Variants in CD28 observed in about 807,000 individuals in gnomAD.
CD28 encodes CD28 molecule, also known as T-cell-specific surface glycoprotein CD28.
Under a neutral mutation model 21.4 loss-of-function variants are expected in CD28, and 8 were observed. The ratio of observed to expected loss-of-function variants is 0.37; its 90% CI spans 0.22 to 0.68. CD28 has a LOEUF of 0.68. CD28 is among the 30% of genes least tolerant of loss of function. CD28 has a pLI of 0.55. For missense variants in CD28, 239 were observed against 272.2 expected (o/e 0.88, Z 0.86); for synonymous variants, 106 against 104.0 (o/e 1.02, Z -0.12).
chr2:203,727,208 G>C (rs572066290), intron 2 of CD28, among the ~76,000 whole-genome samples: 1 of 152,288 alleles, frequency 6.6e-6, no homozygotes, highest in South Asian at 2.1e-4. Context: ...CATTGAGCGG[G>C]AGAGTAAGTG....
rs1352455290 is a variant in CD28, at chr2:203,734,818, A to G, written c.569A>G (p.Asp190Gly). Residue 190 changes from aspartate (D) to glycine (G), a missense_variant, in exon 4 of 4, where the codon GAC (aspartate) becomes GGC (glycine). By Grantham distance (94) the Asp-to-Gly change is moderately conservative. This residue lies in a region of CD28 where 112 missense variants were observed against 112.8 expected (regional missense o/e 0.99). Transcript: ENST00000324106. ...AAGAGGAGCAGGCTCCTGCACAGTG[A>G]CTACATGAACATGACTCCCCGCCGC... ...RSKRSRLLHS[D>G]YMNMTPRRPG... 2 of 1,614,160 alleles carry G rather than the reference A, an allele frequency of 1.2e-6. No individual in the cohort carries two copies. The highest frequency in any genetic ancestry group is 1.7e-6 in the Non-Finnish European group (2 of 1,180,024).
intron 1 of CD28, among the ~76,000 whole-genome samples, chr2:203,711,925 C>T (rs1202739433): frequency 6.6e-6 from 1 of 152,192 alleles, no homozygotes; most frequent in Non-Finnish European, 1.5e-5. Flanking sequence ...GATATGGTGC[C>T]TCACACCTGT....
rs199950588 is a variant in CD28, at chr2:203,735,670, A to G, written c.*758A>G. On this transcript the variant is annotated 3_prime_UTR_variant, in exon 4 of 4. Transcript: ENST00000324106. ...TTCGAAAGAATAAAATAGTTCTCCT[A>G]CATGAAGAAAGAATATGTCAGGAAA... is the stretch of plus-strand genomic sequence containing the variant. 6.6e-6 allele frequency: 1 copy of G among 152,428 alleles called. No homozygotes were observed. The highest frequency in any genetic ancestry group is 1.5e-5 in the Non-Finnish European group (1 of 68,050). The allele number at this position is 152,428 out of a possible 1,614,324, so 9.4% of individuals were successfully genotyped here. A position where few individuals can be genotyped will look rare whatever the true frequency, so the allele number is the denominator to read the frequency against.
chr2:203,736,615 C>T lies in CD28; in HGVS notation c.*1703C>T, dbSNP rs1694043653. On this transcript the variant is annotated 3_prime_UTR_variant, in exon 4 of 4. Coordinates refer to ENST00000324106, the MANE Select transcript of CD28 (RefSeq NM_006139.4). ...AGTCAACTAGAATATGCCTGGGGACCTTGAAGAATGGCCCTTCAGTGGCCC... is the reference window on the plus strand; with the variant it reads ...AGTCAACTAGAATATGCCTGGGGACTTTGAAGAATGGCCCTTCAGTGGCCC... 1 of 152,186 alleles carries T rather than the reference C, an allele frequency of 6.6e-6. No homozygotes were observed. Among genetic ancestry groups the T allele is most frequent in the Non-Finnish European group, 1.5e-5 (1 of 68,042 alleles). The allele number at this position is 152,186 out of a possible 1,614,324, so 9.4% of individuals were successfully genotyped here.
At chr2:203,718,638 A>G (rs957928544) in intron 1 of CD28, among the ~76,000 whole-genome samples, 3 of 152,218 alleles carry the variant, frequency 2.0e-5, no homozygotes, top group East Asian at 1.9e-4. Context: ...AAAGTTCTTA[A>G]AGATTCTGGA....
intron 1 of CD28, among the ~76,000 whole-genome samples, chr2:203,711,504 G>T (rs1039616720): frequency 2.6e-5 from 4 of 152,176 alleles, no homozygotes; most frequent in African/African-American, 7.2e-5. Context: ...ACTTTGAGCT[G>T]CTCCCTTATC....
At chr2:203,706,948 A>G (rs1693173336) in intron 1 of CD28, among the ~76,000 whole-genome samples, 200 bp downstream of exon 1, 1 of 152,012 alleles carries the variant, frequency 6.6e-6, no homozygotes, top group South Asian at 2.1e-4. Context: ...CTTGGAAATA[A>G]ATTTTCTAAG....
At chr2:203,730,107 A>G (rs1422872579) in intron 3 of CD28, among the ~76,000 whole-genome samples, 2 of 152,234 alleles carry the variant, frequency 1.3e-5, no homozygotes, top group Non-Finnish European at 2.9e-5. Context: ...ATGCGTATAT[A>G]TGTATAAACA....
intron 3 of CD28, among the ~76,000 whole-genome samples, chr2:203,732,574 A>T (rs573402348): frequency 2.6e-5 from 4 of 152,190 alleles, no homozygotes; most frequent in African/African-American, 9.7e-5. Flanking sequence ...TGCCCTGTGT[A>T]TTGCTGCTGT....
chr2:203,706,766 C>T lies in CD28; in HGVS notation c.52+18C>T, dbSNP rs1693167488. 8 of 1,559,166 alleles carry T rather than the reference C, an allele frequency of 5.1e-6. No homozygotes were observed. Among genetic ancestry groups the T allele is most frequent in the Non-Finnish European group, 7.1e-6 (8 of 1,130,464 alleles). On this transcript the variant is annotated intron_variant, in intron 1 of 3. Coordinates refer to ENST00000324106, the MANE Select transcript of CD28 (RefSeq NM_006139.4). ...AGTAACAGGTAAACAATGTTAATGTCTTTCTTTCTGTAAATATTTTTTGAG... is the reference window on the plus strand; with the variant it reads ...AGTAACAGGTAAACAATGTTAATGTTTTTCTTTCTGTAAATATTTTTTGAG...
chr2:203,728,369 A>G (rs941907312), intron 2 of CD28, among the ~76,000 whole-genome samples: 1 of 152,248 alleles, frequency 6.6e-6, no homozygotes, highest in Non-Finnish European at 1.5e-5. Context: ...ATTGGTAGCA[A>G]CAAGTAAAGT....
At chr2:203,710,170 C>G (rs187508562) in intron 1 of CD28, among the ~76,000 whole-genome samples, 1 of 152,330 alleles carries the variant, frequency 6.6e-6, no homozygotes, top group East Asian at 1.9e-4. Flanking sequence ...ATTTACATGA[C>G]TTCCAATATG....
intron 1 of CD28, among the ~76,000 whole-genome samples, chr2:203,712,803 TTAATAA>T (rs1319573091): frequency 1.3e-5 from 2 of 152,244 alleles, no homozygotes; most frequent in African/African-American, 4.8e-5. Context: ...AACGTTGTTA[TTAATAA>T]TAATTGCTAG....
chr2:203,728,101 C>G (rs373603238), intron 2 of CD28, among the ~76,000 whole-genome samples: 1 of 152,206 alleles, frequency 6.6e-6, no homozygotes, highest in South Asian at 2.1e-4. Context: ...TAAGCCACCG[C>G]GCCCAGCCCG....
chr2:203,715,326 G>C (rs2095214477), intron 1 of CD28, among the ~76,000 whole-genome samples: 1 of 152,146 alleles, frequency 6.6e-6, no homozygotes, highest in African/African-American at 2.4e-5. Flanking sequence ...AGTGAGATTT[G>C]ATTTTGGGGA....
At position 203,737,099 on chromosome 2, in the gene CD28, G is replaced by T. The variant is rs1694057625; in HGVS notation, c.*2187G>T. On this transcript the variant is annotated 3_prime_UTR_variant, in exon 4 of 4. Coordinates refer to ENST00000324106, the MANE Select transcript of CD28 (RefSeq NM_006139.4). ...AGTTTATCTTGTAATGAAATATAAGGCACCTCCCACTTTTATGTATAGAAA... is the reference window on the plus strand; with the variant it reads ...AGTTTATCTTGTAATGAAATATAAGTCACCTCCCACTTTTATGTATAGAAA... 6.6e-6 allele frequency: 1 copy of T among 152,012 alleles called. No individual in the cohort carries two copies. The highest frequency in any genetic ancestry group is 1.5e-5 in the Non-Finnish European group (1 of 68,004). 9.4% of individuals were successfully genotyped at this position (152,012 alleles called of 1,614,324 possible).
intron 1 of CD28, among the ~76,000 whole-genome samples, chr2:203,722,657 T>G (rs1282993710): frequency 2.6e-5 from 4 of 152,232 alleles, no homozygotes; most frequent in Admixed American, 1.3e-4. Flanking sequence ...GAAATGCACA[T>G]GAATCCAAAG....
In CD28 at chr2:203,736,088, C is replaced by A. The variant is rs1694026786; in HGVS notation, c.*1176C>A. The A allele has an allele frequency of 6.6e-6, 1 of 152,640 alleles. No individual in the cohort carries two copies. Among genetic ancestry groups the A allele is most frequent in the African/African-American group, 2.4e-5 (1 of 41,440 alleles). 9.5% of individuals were successfully genotyped at this position (152,640 alleles called of 1,614,324 possible). A position where few individuals can be genotyped will look rare whatever the true frequency, so the allele number is the denominator to read the frequency against. On this transcript the variant is annotated 3_prime_UTR_variant, in exon 4 of 4. Transcript: ENST00000324106. Reference sequence around the variant, plus strand: ...GTGAAGGATTATTTGTCTAACAGTTCATTCCAATCAGACCAGGTAGGAGCT... The same window carrying A: ...GTGAAGGATTATTTGTCTAACAGTTAATTCCAATCAGACCAGGTAGGAGCT...
intron 1 of CD28, among the ~76,000 whole-genome samples, chr2:203,718,434 C>T (rs1445296363): frequency 6.6e-6 from 1 of 152,200 alleles, no homozygotes; most frequent in Non-Finnish European, 1.5e-5. Flanking sequence ...GCATCACCTT[C>T]ACAGTGTGCT....
Sources: allele counts gnomAD v4.1 joint callset (sites outside exome capture counted in the v4.1 genomes callset), GRCh38; gene constraint gnomAD v4.1.1; regional missense constraint gnomAD v4.1.1; transcripts MANE v1.5; gene names NCBI Gene and HGNC (gene_info 2026-07-23, HGNC 2026-07-21).